Variants in NELL1 observed in about 807,000 individuals in gnomAD.
The protein encoded by NELL1 is neural EGFL like 1, also known as protein kinase C-binding protein NELL1.
A neutral mutation model predicts 107.4 loss-of-function variants in NELL1; 76 were observed. The observed-to-expected ratio is 0.71, with a 90% CI of 0.59 to 0.86. The LOEUF is 0.86. NELL1 is among the 40% of genes least tolerant of loss of function. NELL1 has a pLI of 0.00. For missense variants in NELL1, 1,024 were observed against 1,005.5 expected, an observed-to-expected ratio of 1.02 and a Z score of -0.25; for synonymous variants, 353 against 341.2, an observed-to-expected ratio of 1.03 and a Z score of -0.38.
At chr11:21,213,415 T>C (rs781085711) in intron 13 of NELL1, among the ~76,000 whole-genome samples, 3 of 152,180 alleles carry the variant, frequency 2.0e-5, no homozygotes, top group Non-Finnish European at 4.4e-5. Flanking sequence ...TTGAATTGAA[T>C]AATTTTGAAT....
chr11:21,324,606 C>T (rs2133673669), intron 14 of NELL1, among the ~76,000 whole-genome samples: 1 of 152,094 alleles, frequency 6.6e-6, no homozygotes, highest in African/African-American at 2.4e-5. Context: ...CTGTAGGTTC[C>T]AGGCAGTATG....
At chr11:20,848,101 G>C (rs767548762) in intron 4 of NELL1, among the ~76,000 whole-genome samples, 5 of 152,130 alleles carry the variant, frequency 3.3e-5, no homozygotes, top group African/African-American at 4.8e-5. Context: ...TGTTGAGTTC[G>C]TTCCACTGGG....
chr11:21,266,404 A>C (rs970520165), intron 14 of NELL1, among the ~76,000 whole-genome samples: 1 of 152,070 alleles, frequency 6.6e-6, no homozygotes, highest in African/African-American at 2.4e-5. Context: ...CAGGCTACAG[A>C]GGTTGCACAT....
intron 3 of NELL1, among the ~76,000 whole-genome samples, chr11:20,785,307 T>C (rs545539717): frequency 3.3e-5 from 5 of 152,236 alleles, no homozygotes; most frequent in Non-Finnish European, 7.3e-5. Flanking sequence ...GTGTTGTCAT[T>C]ACAATCTGGC....
chr11:21,208,175 A>G (rs1021307106), intron 13 of NELL1, among the ~76,000 whole-genome samples: 6 of 152,046 alleles, frequency 3.9e-5, no homozygotes, highest in African/African-American at 1.2e-4. Context: ...GTTACTTTGT[A>G]TCCTCTGACC....
At chr11:21,021,286 G>C (rs1167225671) in intron 12 of NELL1, among the ~76,000 whole-genome samples, 4 of 151,846 alleles carry the variant, frequency 2.6e-5, no homozygotes, top group Admixed American at 2.6e-4. Flanking sequence ...GCTGGGGGTG[G>C]GGGTGGGGTG....
At chr11:21,228,403 C>T (rs1398299662) in intron 13 of NELL1, among the ~76,000 whole-genome samples, 16 of 152,140 alleles carry the variant, frequency 1.1e-4, no homozygotes, top group South Asian at 4.2e-4. Context: ...CAGGCAGATA[C>T]GCAGAGGTTA....
At chr11:20,910,932 C>T (rs535602381) in intron 5 of NELL1, among the ~76,000 whole-genome samples, 1 of 152,316 alleles carries the variant, frequency 6.6e-6, no homozygotes, top group South Asian at 2.1e-4. Context: ...TAACACATGT[C>T]TCCATCCCTT....
chr11:20,689,314 T>C (rs1485181399), intron 2 of NELL1, among the ~76,000 whole-genome samples: 1 of 152,016 alleles, frequency 6.6e-6, no homozygotes, highest in South Asian at 2.1e-4. Flanking sequence ...CTTTAAGTTT[T>C]AGGGTACATG....
chr11:21,118,335 G>C (rs895643796), intron 13 of NELL1, among the ~76,000 whole-genome samples: 1 of 151,988 alleles, frequency 6.6e-6, no homozygotes, highest in Non-Finnish European at 1.5e-5. Context: ...AGAGCCTCTA[G>C]GCCAGATTCA....
chr11:21,517,823 T>C (rs978269216), intron 15 of NELL1, among the ~76,000 whole-genome samples: 1 of 152,140 alleles, frequency 6.6e-6, no homozygotes, highest in Non-Finnish European at 1.5e-5. Flanking sequence ...CATACTAAAG[T>C]GGTTTTTCAA....
intron 15 of NELL1, among the ~76,000 whole-genome samples, chr11:21,395,857 A>G (rs549095095): frequency 1.3e-5 from 2 of 151,550 alleles, no homozygotes; most frequent in East Asian, 3.9e-4. Context: ...ACATCAATCC[A>G]AAAAAAATCA....
At chr11:20,871,810 G>T (rs1204640633) in intron 4 of NELL1, among the ~76,000 whole-genome samples, 2 of 151,730 alleles carry the variant, frequency 1.3e-5, no homozygotes, top group Admixed American at 6.6e-5. Context: ...ACGAGGTCAG[G>T]AGATCAAAAC....
chr11:20,923,346 C>A (rs1850421991), intron 7 of NELL1, among the ~76,000 whole-genome samples: 1 of 152,182 alleles, frequency 6.6e-6, no homozygotes, highest in Non-Finnish European at 1.5e-5. Context: ...CCTGCACTCA[C>A]ATTCAGGTGA....
chr11:20,926,654 G>A (rs968587230), intron 7 of NELL1, among the ~76,000 whole-genome samples: 4 of 152,062 alleles, frequency 2.6e-5, no homozygotes, highest in African/African-American at 4.8e-5. Context: ...GTGATTATTG[G>A]CAATGACTGG....
chr11:21,367,067 TA>T (rs11309899), intron 14 of NELL1, among the ~76,000 whole-genome samples: 88,889 of 151,530 alleles, frequency 0.59, 26,347 homozygotes, highest in African/African-American at 0.62. Context: ...TATTTTAATA[TA>T]AAAAAAGTAC....
intron 2 of NELL1, among the ~76,000 whole-genome samples, chr11:20,778,346 G>T (rs1856787450): frequency 6.6e-6 from 1 of 152,072 alleles, no homozygotes; most frequent in Admixed American, 6.6e-5. Context: ...GGGAAGCAAG[G>T]TATATGCTTG....
intron 12 of NELL1, among the ~76,000 whole-genome samples, chr11:20,966,738 GC>G (rs2134223171): frequency 1.3e-5 from 2 of 152,106 alleles, no homozygotes; most frequent in South Asian, 4.2e-4. Flanking sequence ...GCTTTTCTCT[GC>G]CTCTGCTTTG....
chr11:21,153,518 C>T (rs1245976953), intron 13 of NELL1, among the ~76,000 whole-genome samples: 1 of 152,080 alleles, frequency 6.6e-6, no homozygotes, highest in Non-Finnish European at 1.5e-5. Flanking sequence ...AAAGCAGACA[C>T]AGAATGTTTG....
Sources: gnomAD v4.1 joint callset for allele counts (sites outside exome capture counted in the v4.1 genomes callset) on GRCh38, gnomAD v4.1.1 for gene constraint, MANE v1.5 for transcripts, NCBI Gene and HGNC (gene_info 2026-07-23, HGNC 2026-07-21) for gene names.